The following LINGO2 variants were observed in gnomAD, a reference collection of about 807,000 sequenced individuals.
LINGO2 encodes leucine rich repeat and Ig domain containing 2, also known as leucine-rich repeat and immunoglobulin-like domain-containing nogo receptor-interacting protein 2.
LINGO2 carries 14 observed loss-of-function variants against 30.6 expected under a neutral mutation model. That is an observed-to-expected ratio of 0.46 (90% CI 0.30 to 0.72). The LOEUF (loss-of-function observed/expected upper bound fraction) is 0.72, where lower values mean the gene tolerates loss of function less well. Ranked by LOEUF, LINGO2 falls within the 30% of genes least tolerant of loss-of-function variation. The pLI is 0.07. For synonymous variants in LINGO2, 317 were observed against 288.5 expected, an observed-to-expected ratio of 1.10 and a Z score of -1.00; for missense variants, 729 against 751.7, an observed-to-expected ratio of 0.97 and a Z score of 0.35.
At chr9:28,665,820 C>A (rs73445592) in intron 1 of LINGO2, among the ~76,000 whole-genome samples, 3 of 151,358 alleles carry the variant, frequency 2.0e-5, no homozygotes, top group African/African-American at 4.8e-5. Context: ...CATTGATGAT[C>A]AATATTGGCT....
At chr9:27,989,914 A>T (rs980537762) in intron 5 of LINGO2, among the ~76,000 whole-genome samples, 5 of 152,042 alleles carry the variant, frequency 3.3e-5, no homozygotes, top group Admixed American at 6.6e-5. Context: ...GTTCTTAACA[A>T]TAGTTGGACT....
intron 4 of LINGO2, among the ~76,000 whole-genome samples, chr9:28,085,048 G>A (rs1825871938): frequency 6.6e-6 from 1 of 152,072 alleles, no homozygotes; most frequent in African/African-American, 2.4e-5. Flanking sequence ...GACCAATGAA[G>A]CATTATTGAC....
At chr9:28,628,674 C>A (rs1826796291) in intron 1 of LINGO2, among the ~76,000 whole-genome samples, 1 of 151,916 alleles carries the variant, frequency 6.6e-6, no homozygotes. Flanking sequence ...TTGATGTTAC[C>A]CACTTTATCC....
At chr9:29,016,380 A>G in the LINGO2 span, among the ~76,000 whole-genome samples, 1 of 152,178 alleles carries the variant, frequency 6.6e-6, no homozygotes, top group Non-Finnish European at 1.5e-5. Flanking sequence ...CCATCAGTCA[A>G]GTGACTGCTT....
chr9:27,959,598 T>C (rs7043695), intron 5 of LINGO2, among the ~76,000 whole-genome samples: 8,477 of 152,202 alleles, frequency 0.056, 781 homozygotes, highest in African/African-American at 0.19. Context: ...CTTCTAAATA[T>C]ATCATTTCTA....
intron 4 of LINGO2, among the ~76,000 whole-genome samples, chr9:28,140,059 T>C (rs2133488938): frequency 6.6e-6 from 1 of 152,328 alleles, no homozygotes; most frequent in South Asian, 2.1e-4. Context: ...GTAACCTTTG[T>C]CCCTCCAGCA....
At chr9:28,691,636 A>C in the LINGO2 span, among the ~76,000 whole-genome samples, 1 of 152,196 alleles carries the variant, frequency 6.6e-6, no homozygotes, top group African/African-American at 2.4e-5. Context: ...ATTTAAAAGA[A>C]TATCCATCAT....
chr9:28,778,079 T>C, the LINGO2 span, among the ~76,000 whole-genome samples: 1 of 152,158 alleles, frequency 6.6e-6, no homozygotes, highest in Admixed American at 6.5e-5. Context: ...TAAAGATTAA[T>C]TGCTTCAGCA....
chr9:28,891,132 T>C, the LINGO2 span, among the ~76,000 whole-genome samples: 8 of 152,024 alleles, frequency 5.3e-5, no homozygotes, highest in African/African-American at 1.9e-4. Context: ...TAGCAATAAA[T>C]GGTGCAAACC....
At chr9:29,027,084 G>A in the LINGO2 span, among the ~76,000 whole-genome samples, 1 of 152,156 alleles carries the variant, frequency 6.6e-6, no homozygotes, top group Non-Finnish European at 1.5e-5. Flanking sequence ...AGTGATTAGT[G>A]TGTAAGGAGA....
intron 4 of LINGO2, among the ~76,000 whole-genome samples, chr9:28,091,247 G>A (rs1457624165): frequency 6.6e-6 from 1 of 152,184 alleles, no homozygotes; most frequent in Non-Finnish European, 1.5e-5. Context: ...AAAAGAGCCT[G>A]CATTGCCAAG....
the LINGO2 span, among the ~76,000 whole-genome samples, chr9:28,696,338 T>C: frequency 6.6e-6 from 1 of 151,938 alleles, no homozygotes; most frequent in African/African-American, 2.4e-5. Flanking sequence ...CTGCTTGTGC[T>C]GTATTTCCAT....
At chr9:28,366,226 C>T (rs183086184) in intron 3 of LINGO2, among the ~76,000 whole-genome samples, 1 of 152,228 alleles carries the variant, frequency 6.6e-6, no homozygotes, top group African/African-American at 2.4e-5. Context: ...ATCATCCATT[C>T]TATAGAAATG....
chr9:28,674,278 T>C (rs1563907936), upstream of LINGO2, among the ~76,000 whole-genome samples: 1 of 152,190 alleles, frequency 6.6e-6, no homozygotes, highest in Non-Finnish European at 1.5e-5. Flanking sequence ...TAATAATCTT[T>C]AAGGATAAAC....
the LINGO2 span, among the ~76,000 whole-genome samples, chr9:29,170,718 T>G: frequency 3.3e-5 from 5 of 152,034 alleles, no homozygotes; most frequent in Admixed American, 3.3e-4. Flanking sequence ...CAATATTTCC[T>G]GAAAATTAAT....
chr9:28,158,473 A>C (rs1828196764), intron 4 of LINGO2, among the ~76,000 whole-genome samples: 1 of 152,188 alleles, frequency 6.6e-6, no homozygotes, highest in Non-Finnish European at 1.5e-5. Context: ...GGGGAGTTTG[A>C]AGACAAAAGA....
the LINGO2 span, among the ~76,000 whole-genome samples, chr9:28,786,893 C>T: frequency 6.6e-6 from 1 of 152,120 alleles, no homozygotes; most frequent in Non-Finnish European, 1.5e-5. Flanking sequence ...AAAGAATATC[C>T]TATTCCAGAG....
At chr9:28,436,550 C>G (rs943491941) in intron 2 of LINGO2, among the ~76,000 whole-genome samples, 1 of 151,932 alleles carries the variant, frequency 6.6e-6, no homozygotes, top group African/African-American at 2.4e-5. Context: ...CTCCGCCTCC[C>G]GGGTTCACGC....
At chr9:28,432,747 C>T (rs1366621728) in intron 2 of LINGO2, among the ~76,000 whole-genome samples, 1 of 152,080 alleles carries the variant, frequency 6.6e-6, no homozygotes, top group Admixed American at 6.6e-5. Flanking sequence ...TTTGTATTAA[C>T]TGCACTTTTA....
Sources: allele counts gnomAD v4.1 joint callset (sites outside exome capture counted in the v4.1 genomes callset), GRCh38; gene constraint gnomAD v4.1.1; transcripts MANE v1.5; gene names NCBI Gene and HGNC (gene_info 2026-07-23, HGNC 2026-07-21).